The following ARFGEF1 variants were observed in gnomAD, a reference collection of about 807,000 sequenced individuals.
The protein encoded by ARFGEF1 is brefeldin A-inhibited guanine nucleotide-exchange protein 1.
Under a neutral mutation model 231.0 loss-of-function variants are expected in ARFGEF1, and 42 were observed. The ratio of observed to expected loss-of-function variants is 0.18; its 90% CI spans 0.14 to 0.24. The LOEUF (loss-of-function observed/expected upper bound fraction) is 0.24, where lower values mean the gene tolerates loss of function less well. Among genes scored for constraint, ARFGEF1 ranks in the 10% least tolerant of loss-of-function variants. The pLI, the probability that ARFGEF1 is intolerant of heterozygous loss-of-function variation, is 1.00. For missense variants in ARFGEF1, 1,345 were observed against 2,192.0 expected (o/e 0.61, Z 7.72); for synonymous variants, 710 against 732.3 (o/e 0.97, Z 0.49).
At position 67,291,830 on chromosome 8, in the gene ARFGEF1, C is replaced by T; in HGVS notation, c.916+17G>A. ...TCCCTTAACACACACCCCAAACCCC[C>T]TTTTCAAGAAGATTACTTTCAGCTG... On this transcript the variant is annotated intron_variant, in intron 6 of 38. Coordinates refer to ENST00000262215, the MANE Select transcript of ARFGEF1 (RefSeq NM_006421.5). 1 of 1,610,472 alleles carries T rather than the reference C, an allele frequency of 6.2e-7. No homozygotes were observed. The highest frequency in any genetic ancestry group is 8.5e-7 in the Non-Finnish European group (1 of 1,177,748).
At chr8:67,328,146 T>C (rs1298578990) in intron 1 of ARFGEF1, among the ~76,000 whole-genome samples, 1 of 152,186 alleles carries the variant, frequency 6.6e-6, no homozygotes, top group Non-Finnish European at 1.5e-5. Context: ...AGAGAATGCC[T>C]ATGTTTATTA....
chr8:67,229,417 G>T (rs2128872911), intron 23 of ARFGEF1, among the ~76,000 whole-genome samples: 1 of 152,072 alleles, frequency 6.6e-6, no homozygotes, highest in South Asian at 2.1e-4. Context: ...GTCCTTGCAT[G>T]TCTATGTGTC....
chr8:67,218,509 G>C (rs1320737541), intron 30 of ARFGEF1, among the ~76,000 whole-genome samples: 1 of 151,834 alleles, frequency 6.6e-6, no homozygotes, highest in African/African-American at 2.4e-5. Flanking sequence ...GACAGAACAT[G>C]AAAGGGAAAT....
At chr8:67,291,638 C>T (rs1003975785) in intron 6 of ARFGEF1, among the ~76,000 whole-genome samples, 3 of 152,066 alleles carry the variant, frequency 2.0e-5, no homozygotes, top group African/African-American at 7.2e-5. Flanking sequence ...TCATGAGATG[C>T]TAATAAATGC....
chr8:67,183,841 G>A (rs1320681782), intron 5 of ARFGEF1, among the ~76,000 whole-genome samples: 13 of 143,538 alleles, frequency 9.1e-5, no homozygotes, highest in Non-Finnish European at 1.5e-4. Context: ...AAAAAATTGG[G>A]AATTTTTTTT....
At chr8:67,264,048 T>C (rs1250804884) in intron 14 of ARFGEF1, among the ~76,000 whole-genome samples, 3 of 151,966 alleles carry the variant, frequency 2.0e-5, no homozygotes, top group Non-Finnish European at 4.4e-5. Context: ...TGGCAGGAAA[T>C]GAAGCTTAGA....
chr8:67,321,554 G>A lies in ARFGEF1; in HGVS notation c.125-19088C>T, dbSNP rs556252867. Among the ~76,000 whole-genome samples, 186 of 152,192 alleles carry A rather than the reference G, an allele frequency of 1.2e-3. 1 individual carries two copies. Among genetic ancestry groups the A allele is most frequent in the African/African-American group, 4.3e-3 (179 of 41,536 alleles). ...CGGCTCACTGAAAGCTCCACCTCCC[G>A]GGTTCACGCTATTCTCCTGCCTCAG... is the stretch of plus-strand genomic sequence containing the variant. On this transcript the variant is annotated intron_variant, in intron 1 of 38. Transcript: ENST00000262215.
At chr8:67,202,437 C>T (rs1223438579) in intron 36 of ARFGEF1, among the ~76,000 whole-genome samples, 1 of 151,792 alleles carries the variant, frequency 6.6e-6, no homozygotes, top group Admixed American at 6.6e-5. Flanking sequence ...TTTTTAATTT[C>T]TTGTAGAGAC....
downstream of ARFGEF1, among the ~76,000 whole-genome samples, chr8:67,194,374 T>C (rs183453638): frequency 7.9e-5 from 12 of 152,342 alleles, no homozygotes; most frequent in Admixed American, 2.0e-4. Flanking sequence ...TGTACTCATA[T>C]ACTATCTATC....
At chr8:67,284,078 G>GT (rs1230175521) in intron 7 of ARFGEF1, among the ~76,000 whole-genome samples, 1 of 152,152 alleles carries the variant, frequency 6.6e-6, no homozygotes, top group South Asian at 2.1e-4. Context: ...TGGAAACAAC[G>GT]TAAGTACAAC....
chr8:67,307,606 A>AG (rs1806809649), intron 1 of ARFGEF1, among the ~76,000 whole-genome samples: 1 of 152,164 alleles, frequency 6.6e-6, no homozygotes, highest in African/African-American at 2.4e-5. Flanking sequence ...GTAGAGCTGG[A>AG]GGGGTAGGAG....
At chr8:67,311,432 G>A (rs537667003) in intron 1 of ARFGEF1, among the ~76,000 whole-genome samples, 81 of 116,560 alleles carry the variant, frequency 6.9e-4, no homozygotes, top group African/African-American at 2.2e-3. Context: ...TCAGCCCCCC[G>A]CCCGGCCAGC....
intron 5 of ARFGEF1, among the ~76,000 whole-genome samples, chr8:67,182,366 GTT>G (rs1833272735): frequency 6.6e-6 from 1 of 151,606 alleles, no homozygotes; most frequent in Non-Finnish European, 1.5e-5. Context: ...TGTGTACCAC[GTT>G]TTGTTTATCC....
chr8:67,335,892 G>A (rs1348124327), intron 1 of ARFGEF1, among the ~76,000 whole-genome samples: 1 of 152,006 alleles, frequency 6.6e-6, no homozygotes, highest in African/African-American at 2.4e-5. Flanking sequence ...GATTACAGGC[G>A]CCCACTGCCA....
chr8:67,201,761 T>C (rs1838337900), intron 36 of ARFGEF1, 156 bp from the exon 37 acceptor site: 2 of 965,024 alleles, frequency 2.1e-6, no homozygotes, highest in South Asian at 1.5e-5. Flanking sequence ...GTGATTTCCA[T>C]GTCCAGAATT....
In ARFGEF1 at chr8:67,263,459, CAACA is replaced by C. The variant is rs1341791265; in HGVS notation, c.2123+2543_2123+2546del. Among the ~76,000 whole-genome samples, 3 of 152,288 alleles carry C rather than the reference CAACA, an allele frequency of 2.0e-5. No homozygotes were observed. The East Asian group carries it at 5.8e-4, about 29-fold the overall frequency. ...CACGCTAGCGCCAAGAGGAACAAGA[CAACA>C]AAAAGTCCTTTACATGGAGAATAAG... is the stretch of plus-strand genomic sequence containing the variant. On this transcript the variant is annotated intron_variant, in intron 14 of 38. Coordinates refer to ENST00000262215, the MANE Select transcript of ARFGEF1 (RefSeq NM_006421.5).
At chr8:67,330,865 GA>G (rs1399506051) in intron 1 of ARFGEF1, among the ~76,000 whole-genome samples, 1 of 152,072 alleles carries the variant, frequency 6.6e-6, no homozygotes, top group African/African-American at 2.4e-5. Context: ...AAAACTTAGG[GA>G]ATGGAAGCAT....
chr8:67,310,636 A>C (rs1317672467), intron 1 of ARFGEF1, among the ~76,000 whole-genome samples: 3 of 139,584 alleles, frequency 2.1e-5, no homozygotes. Flanking sequence ...GGCCACCATC[A>C]CATCTAGGAA....
chr8:67,199,457 A>T (rs921530536), intron 38 of ARFGEF1: 1 of 191,408 alleles, frequency 5.2e-6, no homozygotes, highest in Non-Finnish European at 1.0e-5. Context: ...TTACATAAAA[A>T]TTTTAAGTTT....
Sources: gnomAD v4.1 joint callset for allele counts (sites outside exome capture counted in the v4.1 genomes callset) on GRCh38, gnomAD v4.1.1 for gene constraint, MANE v1.5 for transcripts, NCBI Gene and HGNC (gene_info 2026-07-23, HGNC 2026-07-21) for gene names.